Variants in NRG1 observed in about 807,000 individuals in gnomAD.
NRG1 encodes pro-neuregulin-1, membrane-bound isoform.
Under a neutral mutation model 63.8 loss-of-function variants are expected in NRG1, and 18 were observed. That is an observed-to-expected ratio of 0.28 (90% CI 0.19 to 0.42). NRG1 has a LOEUF of 0.42. Among genes scored for constraint, NRG1 ranks in the 10% least tolerant of loss-of-function variants. The pLI, the probability that NRG1 is intolerant of heterozygous loss-of-function variation, is 1.00. For missense variants in NRG1, 762 were observed against 814.7 expected (o/e 0.94, Z 0.79); for synonymous variants, 302 against 301.3 (o/e 1.00, Z -0.02).
chr8:32,391,695 C>T (rs947975924), intron 1 of NRG1, among the ~76,000 whole-genome samples: 1 of 152,114 alleles, frequency 6.6e-6, no homozygotes, highest in East Asian at 1.9e-4. Flanking sequence ...GACATGATCT[C>T]GTTCTTTTTT....
Position 32,390,602 on chromosome 8 carries a change from TAAAAA to T in NRG1, c.38-205213_38-205209del, listed in dbSNP as rs66980062. Among the ~76,000 whole-genome samples the T allele has an allele frequency of 1.1e-3, 145 of 130,670 alleles. 1 individual carries two copies. The highest frequency in any genetic ancestry group is 3.9e-3 in the African/African-American group (136 of 34,698). The allele number at this position is 130,670 out of a possible 152,430, so 85.7% of individuals were successfully genotyped here. On this transcript the variant is annotated intron_variant, in intron 1 of 10. Coordinates refer to the NRG1 transcript ENST00000519301. ...TGGGCAACAGAGCGAGACCCTGTCT[TAAAAA>T]AAAAAAAAAAAAGAAGAAGAAGAAG...
intron 1 of NRG1, among the ~76,000 whole-genome samples, chr8:31,856,948 C>T (rs1827948077): frequency 6.6e-6 from 1 of 152,058 alleles, no homozygotes. Flanking sequence ...CAGGGACCCA[C>T]TTGAGGAGGC....
At chr8:32,766,083 T>G (rs1442432799) in exon 12 of NRG1, 2 of 152,086 alleles carry the variant, frequency 1.3e-5, no homozygotes, top group African/African-American at 4.8e-5. Flanking sequence ...TCAGTGAGAG[T>G]AATTGCTTCT....
chr8:32,032,721 G>C (rs908074517), intron 1 of NRG1, among the ~76,000 whole-genome samples: 4 of 152,148 alleles, frequency 2.6e-5, no homozygotes, highest in Non-Finnish European at 4.4e-5. Flanking sequence ...CCACTGTGTA[G>C]GTTACCTGTT....
intron 1 of NRG1, among the ~76,000 whole-genome samples, chr8:32,043,663 G>T (rs1820452661): frequency 6.6e-6 from 1 of 151,708 alleles, no homozygotes; most frequent in South Asian, 2.1e-4. Context: ...TAATATAAAA[G>T]GACCTATATG....
intron 1 of NRG1, among the ~76,000 whole-genome samples, chr8:32,428,024 C>T (rs891666632): frequency 2.0e-5 from 3 of 152,208 alleles, no homozygotes; most frequent in South Asian, 2.1e-4. Context: ...TGTTGGCCAG[C>T]GTTGACTGGG....
chr8:31,921,258 T>C (rs13257453), intron 1 of NRG1, among the ~76,000 whole-genome samples: 30,449 of 152,016 alleles, frequency 0.2, 3,431 homozygotes, highest in Non-Finnish European at 0.24. Flanking sequence ...AGATAACCAA[T>C]CAAATTTGTC....
intron 1 of NRG1, among the ~76,000 whole-genome samples, chr8:32,094,690 C>A (rs1361540901): frequency 4.0e-5 from 6 of 151,890 alleles, no homozygotes; most frequent in Non-Finnish European, 8.8e-5. Context: ...AATTCAAGTC[C>A]ATTGTTTGTC....
chr8:32,680,307 A>C (rs12547715), intron 5 of NRG1, among the ~76,000 whole-genome samples: 33,617 of 152,048 alleles, frequency 0.22, 4,594 homozygotes, highest in East Asian at 0.33. Context: ...AGGACAGGGA[A>C]CTTTGGGTTT....
chr8:31,701,185 C>T (rs1810591261), intron 1 of NRG1, among the ~76,000 whole-genome samples: 1 of 152,040 alleles, frequency 6.6e-6, no homozygotes, highest in Admixed American at 6.6e-5. Flanking sequence ...CTGTGTGGCT[C>T]AACTGGGGGC....
At chr8:31,759,098 T>G (rs1817268723) in intron 1 of NRG1, among the ~76,000 whole-genome samples, 1 of 152,166 alleles carries the variant, frequency 6.6e-6, no homozygotes. Context: ...AAAAGTGAAT[T>G]TGTCTTCTTA....
intron 1 of NRG1, among the ~76,000 whole-genome samples, chr8:32,208,052 C>T (rs895057893): frequency 2.0e-5 from 3 of 152,014 alleles, no homozygotes; most frequent in East Asian, 1.9e-4. Context: ...GGTTAATGCA[C>T]GAGAAAAGAA....
chr8:31,709,812 TGTTTGTA>T (rs1255826884), intron 1 of NRG1, among the ~76,000 whole-genome samples: 2 of 151,832 alleles, frequency 1.3e-5, no homozygotes, highest in African/African-American at 2.4e-5. Context: ...CTTATTTTCA[TGTTTGTA>T]GTTTGTTCAT....
intron 1 of NRG1, among the ~76,000 whole-genome samples, chr8:32,407,319 T>TA (rs71208179): frequency 0.013 from 48 of 3,640 alleles, 2 homozygotes; most frequent in South Asian, 0.11. Flanking sequence ...TATATATATA[T>TA]TATATATATA....
chr8:32,222,399 T>G (rs893441950), intron 1 of NRG1, among the ~76,000 whole-genome samples: 11 of 152,296 alleles, frequency 7.2e-5, no homozygotes, highest in African/African-American at 2.6e-4. Context: ...TCTAAAGTTC[T>G]GTGTAACTGT....
At chr8:31,832,771 GC>G (rs1186397937) in intron 1 of NRG1, among the ~76,000 whole-genome samples, 4 of 152,112 alleles carry the variant, frequency 2.6e-5, no homozygotes, top group Admixed American at 1.3e-4. Context: ...TCTTGACCTT[GC>G]CCCTTGTAGT....
intron 1 of NRG1, among the ~76,000 whole-genome samples, chr8:31,777,189 T>A (rs1367133234): frequency 6.6e-6 from 1 of 152,206 alleles, no homozygotes; most frequent in Non-Finnish European, 1.5e-5. Context: ...GAGAAAACAG[T>A]CAAGAGCTGG....
intron 5 of NRG1, among the ~76,000 whole-genome samples, chr8:32,687,799 G>A (rs73675414): frequency 0.019 from 2,916 of 152,252 alleles, 105 homozygotes; most frequent in African/African-American, 0.067. Flanking sequence ...CTTTATCCAC[G>A]TGCTGAACAT....
intron 1 of NRG1, among the ~76,000 whole-genome samples, chr8:32,411,087 G>T (rs777293193): frequency 6.6e-6 from 1 of 152,008 alleles, no homozygotes; most frequent in African/African-American, 2.4e-5. Context: ...AGTTGACCAG[G>T]ATGGTCTCGA....
Sources: allele counts gnomAD v4.1 joint callset (sites outside exome capture counted in the v4.1 genomes callset), GRCh38; gene constraint gnomAD v4.1.1; transcripts MANE v1.5; gene names NCBI Gene and HGNC (gene_info 2026-07-23, HGNC 2026-07-21).